Variants in CNTNAP5 observed in about 807,000 individuals in gnomAD.
The protein encoded by CNTNAP5 is contactin associated protein family member 5.
CNTNAP5 carries 72 observed loss-of-function variants against 150.2 expected under a neutral mutation model. The ratio of observed to expected loss-of-function variants is 0.48; its 90% CI spans 0.40 to 0.58. The LOEUF is 0.58. CNTNAP5 is among the 20% of genes least tolerant of loss of function. The pLI is 0.00. For missense variants in CNTNAP5, 1,636 were observed against 1,626.2 expected, an observed-to-expected ratio of 1.01 and a Z score of -0.10; for synonymous variants, 672 against 619.8, an observed-to-expected ratio of 1.08 and a Z score of -1.25.
At chr2:124,301,321 C>G (rs978070179) in intron 3 of CNTNAP5, among the ~76,000 whole-genome samples, 1 of 152,162 alleles carries the variant, frequency 6.6e-6, no homozygotes, top group African/African-American at 2.4e-5. Context: ...TCACAATTTG[C>G]GAACTAACAT....
rs144403172 is a variant in CNTNAP5 at position 124,736,574 on chromosome 2, C to G, written c.2078-10655C>G. ...TGTGAAAACCTTACTGTATGGTGGTCTCATTCTATGCCACACTTATAGGAA... is the reference window on the plus strand; with the variant it reads ...TGTGAAAACCTTACTGTATGGTGGTGTCATTCTATGCCACACTTATAGGAA... On this transcript the variant is annotated intron_variant, in intron 13 of 23. Coordinates refer to ENST00000682447, the MANE Select transcript of CNTNAP5 (RefSeq NM_001367498.1). Among the ~76,000 whole-genome samples, 9 of 152,222 alleles carry G rather than the reference C, an allele frequency of 5.9e-5. No homozygotes were observed. In the East Asian group the frequency reaches 1.7e-3, roughly 29 times the overall value.
chr2:124,105,053 A>G (rs1683146476), intron 1 of CNTNAP5, among the ~76,000 whole-genome samples: 2 of 151,882 alleles, frequency 1.3e-5, no homozygotes, highest in Non-Finnish European at 2.9e-5. Flanking sequence ...ATATAAGCAT[A>G]TAAAGACCTC....
intron 1 of CNTNAP5, among the ~76,000 whole-genome samples, chr2:124,221,305 C>T (rs879017827): frequency 3.4e-4 from 52 of 152,080 alleles, no homozygotes; most frequent in Non-Finnish European, 8.8e-5. Context: ...AACAATGTTT[C>T]CCCCTTTTAA....
At position 124,135,604 on chromosome 2, in the gene CNTNAP5, A is replaced by ACT; in HGVS notation, c.83-86098_83-86097dup. ...TCTGTATCCCTCTGACACTGCAAATACTCTGCCTCCCCTTGTGGAGTCTAT... is the reference window on the plus strand; with the variant it reads ...TCTGTATCCCTCTGACACTGCAAATACTCTCTGCCTCCCCTTGTGGAGTCTAT... On this transcript the variant is annotated intron_variant, in intron 1 of 23. Transcript: ENST00000682447. Among the ~76,000 whole-genome samples the ACT allele has an allele frequency of 1.3e-5, 2 of 152,134 alleles. 1 individual carries two copies. Among genetic ancestry groups the ACT allele is most frequent in the South Asian group, 4.2e-4 (2 of 4,812 alleles).
In CNTNAP5 at chr2:124,798,276, ATTCTTC is replaced by A; in HGVS notation, c.3178_3183del (p.Ser1060_Ser1061del). On this transcript the variant is annotated inframe_deletion, in exon 19 of 24. Transcript: ENST00000682447. ...GCACCCAGTCTTTTGCTCTTTATCA[ATTCTTC>A]TTCTCAGGACTTCGTGGTTGTTCTG... is the stretch of plus-strand genomic sequence containing the variant. 1 of 1,613,822 alleles carries A rather than the reference ATTCTTC, an allele frequency of 6.2e-7. No individual in the cohort carries two copies. The highest frequency in any genetic ancestry group is 1.1e-5 in the South Asian group (1 of 91,078).
chr2:124,198,501 T>C (rs1208184596), intron 1 of CNTNAP5, among the ~76,000 whole-genome samples: 3 of 152,090 alleles, frequency 2.0e-5, no homozygotes, highest in Non-Finnish European at 4.4e-5. Flanking sequence ...TAGGGCATGA[T>C]TCAGCCTATC....
At chr2:124,852,097 G>A (rs540680690) in intron 19 of CNTNAP5, among the ~76,000 whole-genome samples, 1 of 152,274 alleles carries the variant, frequency 6.6e-6, no homozygotes, top group East Asian at 1.9e-4. Flanking sequence ...AGGCATTAGA[G>A]GAAGGGAATT....
At chr2:124,247,190 T>A (rs1272813253) in intron 3 of CNTNAP5, among the ~76,000 whole-genome samples, 1 of 152,170 alleles carries the variant, frequency 6.6e-6, no homozygotes, top group Non-Finnish European at 1.5e-5. Flanking sequence ...ATCCTGAGTA[T>A]TGATCACTGT....
chr2:124,446,689 C>T, intron 5 of CNTNAP5, 64 bp from the exon 6 acceptor site: 1 of 1,495,180 alleles, frequency 6.7e-7, no homozygotes. Flanking sequence ...GCTTGTGGAG[C>T]ATTCTGGTGT....
intron 6 of CNTNAP5, among the ~76,000 whole-genome samples, chr2:124,470,588 A>T (rs1454679259): frequency 6.6e-6 from 1 of 152,034 alleles, no homozygotes; most frequent in African/African-American, 2.4e-5. Context: ...CCCATTTGCC[A>T]ATTTTTGCTT....
intron 6 of CNTNAP5, among the ~76,000 whole-genome samples, chr2:124,453,768 T>C (rs1294407554): frequency 6.6e-6 from 1 of 152,166 alleles, no homozygotes; most frequent in African/African-American, 2.4e-5. Context: ...CAAGAATTTT[T>C]ACCCAGCAAA....
intron 1 of CNTNAP5, among the ~76,000 whole-genome samples, chr2:124,092,147 G>A (rs1415389749): frequency 6.6e-5 from 10 of 152,086 alleles, no homozygotes; most frequent in Admixed American, 6.5e-4. Flanking sequence ...CTGTTACAAG[G>A]TTATCTTACA....
At chr2:124,430,683 G>A (rs1234278956) in intron 4 of CNTNAP5, among the ~76,000 whole-genome samples, 3 of 152,128 alleles carry the variant, frequency 2.0e-5, no homozygotes, top group Admixed American at 6.6e-5. Flanking sequence ...GTCAGGTGAA[G>A]GTGGCAAAAG....
intron 3 of CNTNAP5, among the ~76,000 whole-genome samples, chr2:124,390,434 T>G (rs2104747719): frequency 6.6e-6 from 1 of 152,322 alleles, no homozygotes; most frequent in East Asian, 1.9e-4. Context: ...CTGTCCCTGC[T>G]TCTTTCAGTG....
chr2:124,441,424 C>T (rs1692671061), intron 5 of CNTNAP5, among the ~76,000 whole-genome samples: 2 of 151,958 alleles, frequency 1.3e-5, no homozygotes, highest in South Asian at 4.1e-4. Flanking sequence ...TCAGTTTTAT[C>T]CGCACATAGT....
chr2:124,893,554 T>A (rs1678244769), intron 21 of CNTNAP5, among the ~76,000 whole-genome samples: 1 of 152,102 alleles, frequency 6.6e-6, no homozygotes, highest in African/African-American at 2.4e-5. Context: ...GGAAGCTCCA[T>A]AATTAGTGTC....
At chr2:124,200,732 C>G (rs1685709866) in intron 1 of CNTNAP5, among the ~76,000 whole-genome samples, 2 of 152,332 alleles carry the variant, frequency 1.3e-5, no homozygotes, top group South Asian at 4.1e-4. Flanking sequence ...CACTTATGTC[C>G]TGCCACGTAT....
intron 12 of CNTNAP5, 85 bp from the exon 13 acceptor site, chr2:124,647,673 C>G (rs1004533997): frequency 1.6e-6 from 2 of 1,252,682 alleles, no homozygotes; most frequent in African/African-American, 1.5e-5. Flanking sequence ...ATGTTGCACG[C>G]TGAGTGGCCC....
intron 16 of CNTNAP5, among the ~76,000 whole-genome samples, chr2:124,769,687 T>G (rs1049238840): frequency 5.9e-5 from 9 of 152,170 alleles, no homozygotes; most frequent in Non-Finnish European, 1.3e-4. Context: ...TTATCTATTC[T>G]AGCTTTGACT....
Sources: allele counts gnomAD v4.1 joint callset (sites outside exome capture counted in the v4.1 genomes callset), GRCh38; gene constraint gnomAD v4.1.1; transcripts MANE v1.5; gene names NCBI Gene and HGNC (gene_info 2026-07-23, HGNC 2026-07-21).